ENKUR: variants seen among roughly 807,000 people sequenced by gnomAD.
ENKUR encodes enkurin.
ENKUR carries 19 observed loss-of-function variants against 27.6 expected under a neutral mutation model. The ratio of observed to expected loss-of-function variants is 0.69; its 90% CI spans 0.48 to 1.01. ENKUR has a LOEUF of 1.01. Ranked by LOEUF, ENKUR falls within the 50% of genes least tolerant of loss-of-function variation. The pLI is 0.00. For missense variants in ENKUR, 312 were observed against 310.5 expected (o/e 1.00, Z -0.04); for synonymous variants, 117 against 96.9 (o/e 1.21, Z -1.22).
At chr10:24,998,352 T>G (rs12781953) in intron 2 of ENKUR, among the ~76,000 whole-genome samples, 39,730 of 126,162 alleles carry the variant, frequency 0.31, 5,665 homozygotes, top group East Asian at 0.5. Flanking sequence ...CCTCCCTTCC[T>G]TCCTTCCTCT....
Position 24,984,346 on chromosome 10 carries a change from G to A in ENKUR, c.*24C>T, listed in dbSNP as rs763253634. ...TATTTCCAGTTCAAAATACTTAACAGTTTTCAAAGTTGTGCTGTTGGTATC... is the reference window on the plus strand; with the variant it reads ...TATTTCCAGTTCAAAATACTTAACAATTTTCAAAGTTGTGCTGTTGGTATC... On this transcript the variant is annotated 3_prime_UTR_variant, in exon 6 of 6. Transcript: ENST00000331161. The A allele has an allele frequency of 2.1e-6, 3 of 1,407,022 alleles. No homozygotes were observed. The Admixed American group carries it at 5.7e-5, about 27-fold the overall frequency. The allele number at this position is 1,407,022 out of a possible 1,614,324, so 87.2% of individuals were successfully genotyped here.
chr10:25,029,431 G>T (rs928522303), intron 2 of ENKUR, among the ~76,000 whole-genome samples: 2 of 152,108 alleles, frequency 1.3e-5, no homozygotes, highest in African/African-American at 4.8e-5. Context: ...TGTTTTGTAT[G>T]AAGTTTTAGT....
At chr10:24,997,994 G>A (rs1396954425) in intron 2 of ENKUR, among the ~76,000 whole-genome samples, 1 of 152,064 alleles carries the variant, frequency 6.6e-6, no homozygotes, top group Non-Finnish European at 1.5e-5. Context: ...CAAGACTAGA[G>A]GAAGATACAA....
chr10:25,011,415 A>G (rs1272082770), intron 1 of ENKUR, among the ~76,000 whole-genome samples: 1 of 152,092 alleles, frequency 6.6e-6, no homozygotes, highest in Non-Finnish European at 1.5e-5. Flanking sequence ...CTCTGATGGT[A>G]GTTTCTTTTG....
chr10:25,023,320 C>A (rs1186048244), intron 2 of ENKUR: 1 of 1,614,104 alleles, frequency 6.2e-7, no homozygotes, highest in South Asian at 1.1e-5. Flanking sequence ...ACAGCGATTT[C>A]TTTCAAGAAC....
upstream of ENKUR, among the ~76,000 whole-genome samples, chr10:25,020,072 A>G (rs1311962956): frequency 6.6e-6 from 1 of 152,150 alleles, no homozygotes; most frequent in African/African-American, 2.4e-5. Context: ...TAAATGTTAC[A>G]AAATAAAATT....
At chr10:25,038,732 T>C (rs1310597663) in intron 2 of ENKUR, among the ~76,000 whole-genome samples, 1 of 152,220 alleles carries the variant, frequency 6.6e-6, no homozygotes, top group Non-Finnish European at 1.5e-5. Flanking sequence ...TAGGTTGATG[T>C]CTGAAATGAA....
At chr10:24,985,140 G>A (rs942098995) in intron 4 of ENKUR, among the ~76,000 whole-genome samples, 4 of 152,258 alleles carry the variant, frequency 2.6e-5, no homozygotes, top group African/African-American at 9.6e-5. Flanking sequence ...TGTTTGCTCT[G>A]CTTTTGTTGT....
chr10:24,988,664 GTATATATATATATATA>G lies in ENKUR; in HGVS notation c.594+1783_594+1798del, dbSNP rs66687937. 4.2e-3 allele frequency among the ~76,000 whole-genome samples: 410 copies of G among 98,612 alleles called. 4 individuals carry two copies. The highest frequency in any genetic ancestry group is 6.0e-3 in the Middle Eastern group (1 of 166). 64.7% of individuals were successfully genotyped at this position (98,612 alleles called of 152,430 possible). A position where few individuals can be genotyped will look rare whatever the true frequency, so the allele number is the denominator to read the frequency against. On this transcript the variant is annotated intron_variant, in intron 4 of 5. Coordinates refer to ENST00000331161, the MANE Select transcript of ENKUR (RefSeq NM_145010.4). ...GAAAATGTAGAGTGACACAGCATAT[GTATATATATATATATA>G]TATATATATATATATATATATATAT...
chr10:25,030,168 T>C (rs1401665254), intron 2 of ENKUR, among the ~76,000 whole-genome samples: 1 of 152,158 alleles, frequency 6.6e-6, no homozygotes, highest in Non-Finnish European at 1.5e-5. Flanking sequence ...TCTATTCACA[T>C]TGTCCTTCCA....
chr10:25,054,850 T>G (rs1851235167), intron 2 of ENKUR, among the ~76,000 whole-genome samples: 2 of 151,948 alleles, frequency 1.3e-5, no homozygotes, highest in South Asian at 4.2e-4. Context: ...CTAGTTTTTG[T>G]GTTTTTGTAG....
chr10:25,024,498 A>G, intron 2 of ENKUR: 1 of 1,614,240 alleles, frequency 6.2e-7, no homozygotes, highest in Non-Finnish European at 8.5e-7. Flanking sequence ...GCAGTCAGAG[A>G]GAAAATGGAT....
rs1042018832 is a variant in ENKUR, at chr10:25,024,567, T to A, written c.38-28698A>T. The A allele has an allele frequency of 1.9e-6, 3 of 1,614,144 alleles. No homozygotes were observed. The highest frequency in any genetic ancestry group is 3.3e-5 in the Admixed American group (2 of 60,004). ...GCCAGACAGCTATAAAAAGAATTTT[T>A]AATGATTCTGATTTTACTGGCTTTC... is the stretch of plus-strand genomic sequence containing the variant. On this transcript the variant is annotated intron_variant, in intron 2 of 5. Coordinates refer to the ENKUR transcript ENST00000615958.
chr10:24,990,758 T>TG, intron 3 of ENKUR, 149 bp from the exon 4 acceptor site: 1 of 763,898 alleles, frequency 1.3e-6, no homozygotes, highest in South Asian at 2.4e-5. Flanking sequence ...CAGTGACTTT[T>TG]TTCCCTCCAT....
chr10:25,024,861 A>T, intron 2 of ENKUR: 1 of 1,614,124 alleles, frequency 6.2e-7, no homozygotes, highest in Non-Finnish European at 8.5e-7. Flanking sequence ...TTATAAAAAC[A>T]GGACATTATG....
chr10:25,034,282 G>A lies in ENKUR; in HGVS notation c.37+26830C>T, dbSNP rs374169492. Among the ~76,000 whole-genome samples the A allele has an allele frequency of 2.6e-5, 4 of 152,092 alleles. No homozygotes were observed. The East Asian group carries it at 7.7e-4, about 29-fold the overall frequency. ...CCACTGCACTATGTGGCAAACACAT[G>A]GTATTACCTTTCTAAAATCTGAAAA... On this transcript the variant is annotated intron_variant, in intron 2 of 5. Coordinates refer to the ENKUR transcript ENST00000615958.
intron 2 of ENKUR, chr10:25,024,398 G>A (rs750640954): frequency 2.1e-5 from 34 of 1,613,696 alleles, no homozygotes; most frequent in Middle Eastern, 1.6e-4. Context: ...GGTTTTAGTC[G>A]TCTAAATAAG....
intron 2 of ENKUR, among the ~76,000 whole-genome samples, chr10:25,049,597 G>T (rs565302401): frequency 8.9e-4 from 135 of 152,194 alleles, no homozygotes; most frequent in African/African-American, 3.1e-3. Context: ...AGACCAGCCT[G>T]GCCAACATGG....
rs145601614 is a variant in ENKUR at position 25,027,104 on chromosome 10, C to T, written c.38-31235G>A. 4.6e-5 allele frequency among the ~76,000 whole-genome samples: 7 copies of T among 152,032 alleles called. No individual in the cohort carries two copies. The East Asian group carries it at 5.8e-4, about 13-fold the overall frequency. On this transcript the variant is annotated intron_variant, in intron 2 of 5. Coordinates refer to the ENKUR transcript ENST00000615958. ...GCATGGTGGCTCACACCTGTAATCC[C>T]AGCACTTTGGGAGGCTGAGGCAGGC...
Sources: gnomAD v4.1 joint callset for allele counts (sites outside exome capture counted in the v4.1 genomes callset) on GRCh38, gnomAD v4.1.1 for gene constraint, MANE v1.5 for transcripts, NCBI Gene and HGNC (gene_info 2026-07-23, HGNC 2026-07-21) for gene names.